NR6A1: variants seen among roughly 807,000 people sequenced by gnomAD.
NR6A1 encodes the protein retinoic acid receptor-related testis-associated receptor.
NR6A1 carries 7 observed loss-of-function variants against 59.1 expected under a neutral mutation model. The observed-to-expected ratio is 0.12, with a 90% confidence interval of 0.07 to 0.22. NR6A1 has a LOEUF of 0.22. NR6A1 is among the 10% of genes least tolerant of loss of function. The pLI is 1.00. For missense variants in NR6A1, 468 were observed against 611.6 expected (o/e 0.77, Z 2.48); for synonymous variants, 243 against 236.1 (o/e 1.03, Z -0.27).
chr9:124,680,056 ACAGT>A (rs1345544589), intron 2 of NR6A1, among the ~76,000 whole-genome samples: 4 of 152,034 alleles, frequency 2.6e-5, no homozygotes, highest in East Asian at 3.9e-4. Context: ...AATTATACAT[ACAGT>A]CAAATGTGTT....
chr9:124,615,636 C>A (rs1465638448), intron 2 of NR6A1, among the ~76,000 whole-genome samples: 2 of 150,094 alleles, frequency 1.3e-5, no homozygotes, highest in Non-Finnish European at 3.0e-5. Flanking sequence ...TTTTTTTTTT[C>A]CCAGAATGAT....
At chr9:124,539,048 T>A (rs7042074) in intron 5 of NR6A1, among the ~76,000 whole-genome samples, 14,325 of 149,336 alleles carry the variant, frequency 0.096, 2,196 homozygotes, top group African/African-American at 0.33. Flanking sequence ...TCTCTTTTTT[T>A]AAAAAAAAAA....
chr9:124,653,628 G>A (rs917085688), intron 2 of NR6A1, among the ~76,000 whole-genome samples: 3 of 152,096 alleles, frequency 2.0e-5, no homozygotes, highest in Non-Finnish European at 2.9e-5. Flanking sequence ...GGCTGGTCTC[G>A]AACTCCTGGC....
chr9:124,532,126 A>G (rs747602864), intron 7 of NR6A1, among the ~76,000 whole-genome samples: 46 of 152,202 alleles, frequency 3.0e-4, no homozygotes, highest in Non-Finnish European at 5.7e-4. Flanking sequence ...TCTTGCCTGT[A>G]TCTTTCTCTC....
intron 2 of NR6A1, among the ~76,000 whole-genome samples, chr9:124,612,054 A>G (rs76523226): frequency 0.023 from 3,464 of 152,308 alleles, 127 homozygotes; most frequent in African/African-American, 0.079. Flanking sequence ...TATCTGATGA[A>G]TATCTGGAAG....
rs769894544 is a variant in NR6A1 at position 124,522,802 on chromosome 9, A to G, written c.1355-9T>C. 3.8e-6 allele frequency: 6 copies of G among 1,570,850 alleles called. No individual in the cohort carries two copies. ...CACATTCACCATCTTTCCTGGGAAC[A>G]AGGGGGGAGAAGAAGAGTTAGCAGT... On this transcript the variant is annotated splice_polypyrimidine_tract_variant and intron_variant, in intron 9 of 9. Transcript: ENST00000487099.
At chr9:124,753,663 G>A (rs1315188556) in intron 1 of NR6A1, among the ~76,000 whole-genome samples, 2 of 152,208 alleles carry the variant, frequency 1.3e-5, no homozygotes, top group Non-Finnish European at 2.9e-5. Flanking sequence ...GCCTAGTGCT[G>A]AGTGTTCAAC....
At chr9:124,553,732 G>T (rs10986362) in intron 3 of NR6A1, among the ~76,000 whole-genome samples, 4 of 151,502 alleles carry the variant, frequency 2.6e-5, no homozygotes, top group African/African-American at 9.7e-5. Flanking sequence ...AGATCCTTCA[G>T]ATTTCCTTCT....
chr9:124,578,328 T>C (rs1474691730), intron 2 of NR6A1, among the ~76,000 whole-genome samples: 1 of 152,198 alleles, frequency 6.6e-6, no homozygotes, highest in African/African-American at 2.4e-5. Context: ...TCCATTTAGC[T>C]TTCTAATAGG....
intron 2 of NR6A1, among the ~76,000 whole-genome samples, chr9:124,591,833 G>GTAGA (rs1292912026): frequency 6.6e-6 from 1 of 152,070 alleles, no homozygotes; most frequent in Non-Finnish European, 1.5e-5. Context: ...TGAAATATGG[G>GTAGA]TAGATGCATT....
rs547843189 is a variant in NR6A1, at chr9:124,521,248, G to C, written c.*1457C>G. The C allele has an allele frequency of 9.2e-5, 14 of 152,636 alleles. No homozygotes were observed. Among genetic ancestry groups the C allele is most frequent in the African/African-American group, 3.4e-4 (14 of 41,444 alleles). The allele number at this position is 152,636 out of a possible 1,614,324, so 9.5% of individuals were successfully genotyped here. ...CGCTGGCCAAAGTCAAGAGGGTAAG[G>C]AACACGTCCTGGGATAAGGTGGGGC... On this transcript the variant is annotated 3_prime_UTR_variant, in exon 10 of 10. Coordinates refer to ENST00000487099, the MANE Select transcript of NR6A1 (RefSeq NM_033334.4).
chr9:124,557,423 G>A (rs1833962511), intron 2 of NR6A1, among the ~76,000 whole-genome samples: 1 of 152,118 alleles, frequency 6.6e-6, no homozygotes, highest in Non-Finnish European at 1.5e-5. Flanking sequence ...GTGGGCCACC[G>A]CGCCCGGCCA....
chr9:124,728,627 T>A (rs1839795497), intron 2 of NR6A1, among the ~76,000 whole-genome samples: 1 of 128,506 alleles, frequency 7.8e-6, no homozygotes, highest in Non-Finnish European at 1.5e-5. Flanking sequence ...AGAGCGAGAC[T>A]CCGCCTCAAA....
At chr9:124,704,453 C>A (rs1839062770) in intron 2 of NR6A1, among the ~76,000 whole-genome samples, 1 of 152,122 alleles carries the variant, frequency 6.6e-6, no homozygotes, top group Admixed American at 6.6e-5. Context: ...CTCTGTTGCC[C>A]AGGCTGGAAT....
At chr9:124,599,484 G>A (rs1193848667) in intron 2 of NR6A1, 1 of 481,566 alleles carries the variant, frequency 2.1e-6, no homozygotes, top group Non-Finnish European at 4.0e-6. Flanking sequence ...TGCTCAGGAA[G>A]AGAAACTACT....
chr9:124,618,389 A>G (rs981556784), intron 2 of NR6A1, among the ~76,000 whole-genome samples: 5 of 152,198 alleles, frequency 3.3e-5, no homozygotes, highest in Non-Finnish European at 7.4e-5. Flanking sequence ...AGGCTGCGGC[A>G]GGAGAATCAC....
At chr9:124,636,037 T>C (rs553507634) in intron 2 of NR6A1, among the ~76,000 whole-genome samples, 2 of 152,342 alleles carry the variant, frequency 1.3e-5, no homozygotes, top group South Asian at 4.1e-4. Context: ...TATTCTGAAT[T>C]TTGGCCATTC....
intron 2 of NR6A1, among the ~76,000 whole-genome samples, chr9:124,660,323 G>A (rs1345011960): frequency 6.6e-6 from 1 of 152,144 alleles, no homozygotes; most frequent in African/African-American, 2.4e-5. Flanking sequence ...TGATACTTGG[G>A]AATGTTTCTC....
chr9:124,707,230 C>G (rs79589777), intron 2 of NR6A1, among the ~76,000 whole-genome samples: 2,532 of 152,130 alleles, frequency 0.017, 66 homozygotes, highest in African/African-American at 0.056. Context: ...ATTTTTAATT[C>G]ATCTATCTAC....
Sources: gnomAD v4.1 joint callset for allele counts (sites outside exome capture counted in the v4.1 genomes callset) on GRCh38, gnomAD v4.1.1 for gene constraint, MANE v1.5 for transcripts, NCBI Gene and HGNC (gene_info 2026-07-23, HGNC 2026-07-21) for gene names.